The following SESN1 variants were observed in gnomAD, a reference collection of about 807,000 sequenced individuals.
The protein encoded by SESN1 is sestrin 1, also known as sestrin-1.
SESN1 carries 30 observed loss-of-function variants against 59.3 expected under a neutral mutation model. The observed-to-expected ratio is 0.51, with a 90% CI of 0.38 to 0.69. The LOEUF (loss-of-function observed/expected upper bound fraction) is 0.69. Among genes scored for constraint, SESN1 ranks in the 30% least tolerant of loss-of-function variants. The probability of loss-of-function intolerance (pLI) is 0.00; values close to 1 mark genes in which losing one functional copy is unlikely to be tolerated. For synonymous variants in SESN1, 197 were observed against 219.9 expected (o/e 0.90, Z 0.92); for missense variants, 566 against 673.0 (o/e 0.84, Z 1.76).
chr6:108,989,523 ATATC>A (rs1779306792), intron 8 of SESN1, among the ~76,000 whole-genome samples: 2 of 148,676 alleles, frequency 1.3e-5, no homozygotes, highest in East Asian at 2.0e-4. Flanking sequence ...ATATAGAGAG[ATATC>A]TATAGAGATA....
At chr6:108,987,865 C>T (rs1390322314) in intron 9 of SESN1, among the ~76,000 whole-genome samples, 2 of 147,940 alleles carry the variant, frequency 1.4e-5, no homozygotes, top group East Asian at 3.9e-4. Context: ...TGCAGTGGCA[C>T]GATCTTGGCT....
intron 1 of SESN1, among the ~76,000 whole-genome samples, chr6:109,089,638 C>A (rs1019708343): frequency 6.6e-6 from 1 of 152,202 alleles, no homozygotes; most frequent in Admixed American, 6.5e-5. Flanking sequence ...CCTAAATTGA[C>A]CCCCTGCCAC....
At chr6:109,060,122 TACACAC>T (rs139094576) in intron 1 of SESN1, among the ~76,000 whole-genome samples, 66 of 149,902 alleles carry the variant, frequency 4.4e-4, no homozygotes, top group Non-Finnish European at 3.0e-5. Context: ...TACACACACG[TACACAC>T]ACACACACAC....
At chr6:109,013,330 G>A (rs1490341020) in intron 1 of SESN1, among the ~76,000 whole-genome samples, 2 of 152,068 alleles carry the variant, frequency 1.3e-5, no homozygotes, top group Admixed American at 6.6e-5. Context: ...GGCAGTCTTC[G>A]GAACAATGGG....
rs1779169405 is a variant in SESN1 at position 108,985,825 on chromosome 6, A to T, written c.*1719T>A. On this transcript the variant is annotated 3_prime_UTR_variant, in exon 10 of 10. Coordinates refer to ENST00000436639, the MANE Select transcript of SESN1 (RefSeq NM_014454.3). ...GCAGCAGGCAGAAGAGGACAAAGGC[A>T]TGATGCATATTCAATGAGTAATGCA... Among the ~76,000 whole-genome samples, 1 of 152,232 alleles carries T rather than the reference A, an allele frequency of 6.6e-6. No homozygotes were observed. The highest frequency in any genetic ancestry group is 2.1e-4 in the South Asian group (1 of 4,832).
rs1779359402 is a variant in SESN1, at chr6:108,990,831, T to C, written c.1238A>G (p.Tyr413Cys). The change falls in exon 8 of 10, where the codon TAT (tyrosine) becomes TGT (cysteine). Residue 413 changes from tyrosine to cysteine, a missense_variant. Tyr to Cys is a radical substitution (Grantham distance 194). Transcript: ENST00000436639. ...MHVPTFRVQD[Y>C]CWEDHGYSLV... ...AGAATAACCATGATCTTCCCAGCAA[T>C]AGTCCTAAATACAGGGAATAGAACA... 6.2e-7 allele frequency: 1 copy of C among 1,613,234 alleles called. No homozygotes were observed. Among genetic ancestry groups the C allele is most frequent in the Non-Finnish European group, 8.5e-7 (1 of 1,179,510 alleles).
chr6:109,020,685 G>T (rs1401355400), intron 1 of SESN1, among the ~76,000 whole-genome samples: 2 of 152,176 alleles, frequency 1.3e-5, no homozygotes, highest in Admixed American at 1.3e-4. Context: ...AAGAGTTACA[G>T]ATTTCATCAC....
chr6:109,018,954 A>G (rs990159218), intron 1 of SESN1, among the ~76,000 whole-genome samples: 11 of 152,190 alleles, frequency 7.2e-5, no homozygotes, highest in Non-Finnish European at 1.5e-4. Context: ...GCATATAAGA[A>G]AATATAGAAA....
intron 1 of SESN1, among the ~76,000 whole-genome samples, chr6:109,046,857 G>A (rs1166726150): frequency 3.8e-5 from 5 of 130,224 alleles, no homozygotes; most frequent in Admixed American, 7.5e-5. Flanking sequence ...CAACCACCCC[G>A]TATGAGAAGT....
At position 109,056,102 on chromosome 6, in the gene SESN1, C is replaced by T. The variant is rs950381142; in HGVS notation, c.279+37693G>A. 2.8e-4 allele frequency among the ~76,000 whole-genome samples: 42 copies of T among 152,126 alleles called. 1 individual carries two copies. The highest frequency in any genetic ancestry group is 9.9e-4 in the African/African-American group (41 of 41,422). On this transcript the variant is annotated intron_variant, in intron 1 of 9. Transcript: ENST00000436639. ...TTTCTAAAACAACTAGAGAAACCAC[C>T]ACACTTTTAAAAGAGTAATTTTCAC...
intron 1 of SESN1, among the ~76,000 whole-genome samples, chr6:109,017,248 TTCAA>T (rs1446219517): frequency 2.6e-5 from 4 of 152,172 alleles, no homozygotes; most frequent in Non-Finnish European, 5.9e-5. Flanking sequence ...CCATTTAGCA[TTCAA>T]TCATTCATTA....
chr6:109,064,687 GGA>G (rs138391680), intron 1 of SESN1, among the ~76,000 whole-genome samples: 1 of 83,278 alleles, frequency 1.2e-5, no homozygotes, highest in Non-Finnish European at 2.5e-5. Context: ...AGAGTGGGTG[GGA>G]GAGAGAGAGA....
intron 1 of SESN1, among the ~76,000 whole-genome samples, chr6:109,021,934 A>T (rs1259706355): frequency 6.6e-6 from 1 of 152,286 alleles, no homozygotes; most frequent in East Asian, 1.9e-4. Flanking sequence ...ATACACATAT[A>T]CTATATCTAA....
At chr6:109,009,459 A>G (rs1779811283) in intron 1 of SESN1, 1 of 1,305,650 alleles carries the variant, frequency 7.7e-7, no homozygotes, top group Non-Finnish European at 9.8e-7. Context: ...GGCCAAGCGC[A>G]TGTCGGCGCG....
intron 4 of SESN1, 77 bp from the exon 5 acceptor site, chr6:108,998,832 T>G: frequency 6.8e-7 from 1 of 1,463,044 alleles, no homozygotes; most frequent in Non-Finnish European, 9.2e-7. Flanking sequence ...TAGTATTTAA[T>G]TTATTGAAAA....
chr6:109,042,170 T>C (rs911813819), intron 1 of SESN1, among the ~76,000 whole-genome samples: 8 of 151,858 alleles, frequency 5.3e-5, no homozygotes, highest in Non-Finnish European at 8.8e-5. Flanking sequence ...AAAATGAAAA[T>C]ACAACATATC....
At chr6:109,035,153 C>T (rs1261785521) in intron 1 of SESN1, among the ~76,000 whole-genome samples, 2 of 152,048 alleles carry the variant, frequency 1.3e-5, no homozygotes, top group Non-Finnish European at 2.9e-5. Flanking sequence ...TGTCTTTTAC[C>T]CCCAACCACT....
intron 1 of SESN1, among the ~76,000 whole-genome samples, chr6:109,030,001 C>G (rs1448068488): frequency 1.3e-5 from 2 of 152,150 alleles, no homozygotes; most frequent in Non-Finnish European, 2.9e-5. Flanking sequence ...TTACGGTACC[C>G]AACCCTCAAA....
intron 4 of SESN1, among the ~76,000 whole-genome samples, chr6:108,999,519 A>G (rs1391217280): frequency 2.0e-5 from 3 of 152,194 alleles, no homozygotes; most frequent in East Asian, 3.8e-4. Flanking sequence ...TAATAAATAG[A>G]ACCAGAACTA....
Sources: allele counts gnomAD v4.1 joint callset (sites outside exome capture counted in the v4.1 genomes callset), GRCh38; gene constraint gnomAD v4.1.1; transcripts MANE v1.5; gene names NCBI Gene and HGNC (gene_info 2026-07-23, HGNC 2026-07-21).